Variants in NCOA2 observed in about 807,000 individuals in gnomAD.
NCOA2 encodes nuclear receptor coactivator 2, also known as class E basic helix-loop-helix protein 75.
A neutral mutation model predicts 145.1 loss-of-function variants in NCOA2; 21 were observed. The observed-to-expected ratio is 0.14, with a 90% confidence interval of 0.10 to 0.21. The LOEUF (loss-of-function observed/expected upper bound fraction) is 0.21. Ranked by LOEUF, NCOA2 falls within the 10% of genes least tolerant of loss-of-function variation. The pLI is 1.00. For missense variants in NCOA2, 1,472 were observed against 1,837.6 expected, an observed-to-expected ratio of 0.80 and a Z score of 3.64; for synonymous variants, 619 against 637.5, an observed-to-expected ratio of 0.97 and a Z score of 0.44.
chr8:70,167,102 T>C (rs1038132306), intron 6 of NCOA2, among the ~76,000 whole-genome samples: 2 of 152,238 alleles, frequency 1.3e-5, no homozygotes, highest in East Asian at 1.9e-4. Flanking sequence ...TAGAATACTA[T>C]AGTTTTCTAC....
Position 70,170,372 on chromosome 8 carries a change from T to C in NCOA2, c.371A>G (p.Asp124Gly). The part of the protein sequence containing the change: ...ALGPMMLEAL[D>G]GFFFVVNLEG... ...CAGGTTCACTACAAAGAAGAACCCA[T>C]CAAGGGCCTAGGGAACAAAGTACAA... Residue 124 changes from aspartate to glycine, a missense_variant, in exon 6 of 23, where the codon GAT becomes GGT. Physicochemically the swap from Asp to Gly is moderately conservative, Grantham distance 94. Around this residue, in one of 4 missense-constraint regions of NCOA2, gnomAD observed 284 missense variants for 467.8 expected, o/e 0.61. Transcript: ENST00000452400. 2 of 1,586,028 alleles carry C rather than the reference T, an allele frequency of 1.3e-6. No individual in the cohort carries two copies. Among genetic ancestry groups the C allele is most frequent in the Non-Finnish European group, 1.7e-6 (2 of 1,165,556 alleles).
rs1586635344 is a variant in NCOA2 at position 70,377,229 on chromosome 8, T to C, written c.-77+26471A>G. ...ACTAATTCTTATATCATGGATCATA[T>C]ATACTCCTAAAATCCTGATTACATG... On this transcript the variant is annotated intron_variant, in intron 1 of 22. Coordinates refer to ENST00000452400, the MANE Select transcript of NCOA2 (RefSeq NM_006540.4). Among the ~76,000 whole-genome samples the C allele has an allele frequency of 2.0e-5, 3 of 152,034 alleles. No homozygotes were observed. The East Asian group carries it at 5.8e-4, about 29-fold the overall frequency.
At position 70,121,321 on chromosome 8, in the gene NCOA2, T is replaced by G. The variant is rs199812791; in HGVS notation, c.4364A>C (p.Gln1455Pro). Reference sequence around the variant, plus strand: ...TCTTACCCGTGTTGTGTCTCCCTCCTGCTTAATCATATCCATTCCAGGCAG... The same window carrying G: ...TCTTACCCGTGTTGTGTCTCCCTCCGGCTTAATCATATCCATTCCAGGCAG... ...NQLPGMDMIK[Q>P]EGDTTRKYC Residue 1455 changes from glutamine (Q) to proline (P), a missense_variant, in exon 22 of 23, where the codon CAG becomes CCG. Gln to Pro is a moderately conservative substitution (Grantham distance 76, BLOSUM62 -1). Around this residue, in one of 4 missense-constraint regions of NCOA2, gnomAD observed 232 missense variants for 290.6 expected, o/e 0.80. Coordinates refer to ENST00000452400, the MANE Select transcript of NCOA2 (RefSeq NM_006540.4). 6.2e-7 allele frequency: 1 copy of G among 1,612,840 alleles called. No individual in the cohort carries two copies. Among genetic ancestry groups the G allele is most frequent in the Non-Finnish European group, 8.5e-7 (1 of 1,179,404 alleles).
chr8:70,322,988 T>G (rs1245921220), intron 1 of NCOA2, among the ~76,000 whole-genome samples: 1 of 152,246 alleles, frequency 6.6e-6, no homozygotes, highest in Non-Finnish European at 1.5e-5. Flanking sequence ...GTCGTAAGAC[T>G]CTTCTACCAG....
In NCOA2 at chr8:70,129,129, T is replaced by C. The variant is rs1299788249; in HGVS notation, c.3325-149A>G. The C allele has an allele frequency of 1.3e-5, 10 of 791,630 alleles. No individual in the cohort carries two copies. In the Admixed American group the frequency reaches 2.9e-4, roughly 23 times the overall value. The allele number at this position is 791,630 out of a possible 1,614,324, so 49.0% of individuals were successfully genotyped here. On this transcript the variant is annotated intron_variant, in intron 16 of 22. Coordinates refer to ENST00000452400, the MANE Select transcript of NCOA2 (RefSeq NM_006540.4). ...ACTACACAAAGGTACCTTTAGAGCTTGACTCCACTTGTCTTTCTAGAAAAT... is the reference window on the plus strand; with the variant it reads ...ACTACACAAAGGTACCTTTAGAGCTCGACTCCACTTGTCTTTCTAGAAAAT...
At chr8:70,421,859 C>T in the NCOA2 span, among the ~76,000 whole-genome samples, 1 of 152,022 alleles carries the variant, frequency 6.6e-6, no homozygotes, top group East Asian at 1.9e-4. Flanking sequence ...CTTTGGGAGG[C>T]TGAGGAGGGT....
At chr8:70,172,210 T>A (rs964956697) in intron 5 of NCOA2, among the ~76,000 whole-genome samples, 12 of 152,132 alleles carry the variant, frequency 7.9e-5, no homozygotes, top group African/African-American at 2.9e-4. Flanking sequence ...CTCCCACCAC[T>A]CTGTAATCCC....
intron 15 of NCOA2, among the ~76,000 whole-genome samples, chr8:70,135,327 A>C (rs1809608978): frequency 6.6e-6 from 1 of 152,196 alleles, no homozygotes; most frequent in Non-Finnish European, 1.5e-5. Context: ...ATTTATGTTA[A>C]AAACACAACT....
At chr8:70,211,257 G>A (rs1183154750) in intron 4 of NCOA2, among the ~76,000 whole-genome samples, 7 of 151,922 alleles carry the variant, frequency 4.6e-5, no homozygotes, top group African/African-American at 7.3e-5. Flanking sequence ...TCAGGAGTTC[G>A]AGACCAGCCT....
At chr8:70,438,484 T>C in the NCOA2 span, among the ~76,000 whole-genome samples, 21 of 152,214 alleles carry the variant, frequency 1.4e-4, no homozygotes, top group Admixed American at 1.1e-3. Context: ...GCTAGACATA[T>C]GTACAGCATT....
the NCOA2 span, among the ~76,000 whole-genome samples, chr8:70,427,415 C>T: frequency 6.6e-6 from 1 of 152,262 alleles, no homozygotes; most frequent in South Asian, 2.1e-4. Flanking sequence ...CTACTAGAAT[C>T]AGATATATAA....
At chr8:70,228,315 T>C (rs867873234) in intron 2 of NCOA2, among the ~76,000 whole-genome samples, 94 of 152,202 alleles carry the variant, frequency 6.2e-4, no homozygotes, top group Admixed American at 2.0e-3. Context: ...ATTGCTATCA[T>C]TGGGATTGTA....
At chr8:70,188,574 CT>C (rs1236591320) in intron 4 of NCOA2, among the ~76,000 whole-genome samples, 1 of 152,114 alleles carries the variant, frequency 6.6e-6, no homozygotes, top group Admixed American at 6.5e-5. Context: ...GACAAGCAGT[CT>C]TACAATGGCA....
intron 2 of NCOA2, among the ~76,000 whole-genome samples, chr8:70,221,547 A>G (rs1820137115): frequency 6.6e-6 from 1 of 152,200 alleles, no homozygotes; most frequent in African/African-American, 2.4e-5. Flanking sequence ...CTGAGAAAGA[A>G]AAGAAAGTAG....
intron 2 of NCOA2, among the ~76,000 whole-genome samples, chr8:70,245,695 T>C (rs1170039487): frequency 3.3e-5 from 5 of 152,046 alleles, no homozygotes; most frequent in Non-Finnish European, 7.4e-5. Context: ...AAAATGAAAA[T>C]ATAATTTCTA....
intron 1 of NCOA2, among the ~76,000 whole-genome samples, chr8:70,304,467 G>A (rs1827731546): frequency 6.7e-6 from 1 of 149,654 alleles, no homozygotes; most frequent in Non-Finnish European, 1.5e-5. Flanking sequence ...GTGACTATAT[G>A]CATATTTTTT....
chr8:70,250,798 CAG>C (rs1038174509), intron 2 of NCOA2, among the ~76,000 whole-genome samples: 3 of 152,084 alleles, frequency 2.0e-5, no homozygotes, highest in African/African-American at 7.2e-5. Flanking sequence ...TAACAAGTTG[CAG>C]AGTGTGAACT....
At chr8:70,165,935 T>C (rs1231086727) in intron 7 of NCOA2, among the ~76,000 whole-genome samples, 1 of 152,212 alleles carries the variant, frequency 6.6e-6, no homozygotes, top group Non-Finnish European at 1.5e-5. Context: ...TTCTCCTGCC[T>C]CAGCCTCCTG....
chr8:70,397,062 GCA>G (rs1463639269), intron 1 of NCOA2, among the ~76,000 whole-genome samples: 1 of 152,124 alleles, frequency 6.6e-6, no homozygotes, highest in Admixed American at 6.5e-5. Context: ...AAAGAATGAA[GCA>G]CACATCAAAA....
Sources: allele counts gnomAD v4.1 joint callset (sites outside exome capture counted in the v4.1 genomes callset), GRCh38; gene constraint gnomAD v4.1.1; regional missense constraint gnomAD v4.1.1; transcripts MANE v1.5; gene names NCBI Gene and HGNC (gene_info 2026-07-23, HGNC 2026-07-21).